ADAM28: variants seen among roughly 807,000 people sequenced by gnomAD.
The protein encoded by ADAM28 is ADAM metallopeptidase domain 28.
Under a neutral mutation model 101.2 loss-of-function variants are expected in ADAM28, and 105 were observed. The ratio of observed to expected loss-of-function variants is 1.04; its 90% CI spans 0.89 to 1.22. The LOEUF (loss-of-function observed/expected upper bound fraction) is 1.22, where lower values mean the gene tolerates loss of function less well. ADAM28 is among the 50% of genes most tolerant of loss of function. The pLI, the probability that ADAM28 is intolerant of heterozygous loss-of-function variation, is 0.00. For missense variants in ADAM28, 1,028 were observed against 945.4 expected, an observed-to-expected ratio of 1.09 and a Z score of -1.15; for synonymous variants, 322 against 310.6, an observed-to-expected ratio of 1.04 and a Z score of -0.39.
At chr8:24,308,593 A>C (rs1339855664) in intron 2 of ADAM28, 2 of 456,050 alleles carry the variant, frequency 4.4e-6, no homozygotes, top group African/African-American at 4.0e-5. Flanking sequence ...GTAAGAGGTT[A>C]TGACTATTCT....
intron 6 of ADAM28, among the ~76,000 whole-genome samples, chr8:24,318,562 A>G (rs1811467693): frequency 6.6e-6 from 1 of 151,898 alleles, no homozygotes; most frequent in African/African-American, 2.4e-5. Flanking sequence ...ATCTACTCAA[A>G]CACCTGATAT....
At position 24,356,559 on chromosome 8, in the gene ADAM28, G is replaced by A. The variant is rs1024099185; in HGVS notation, c.*2155G>A. ...AACCATTATTTTATCATAGAACTGC[G>A]AACCCAAGTCCTACAATGTTTCCCT... On this transcript the variant is annotated 3_prime_UTR_variant, in exon 23 of 23. Coordinates refer to ENST00000265769, the MANE Select transcript of ADAM28 (RefSeq NM_014265.6). The A allele has an allele frequency of 2.0e-5, 3 of 152,134 alleles. No individual in the cohort carries two copies. Among genetic ancestry groups the A allele is most frequent in the East Asian group, 1.9e-4 (1 of 5,192 alleles). The allele number at this position is 152,134 out of a possible 1,614,324, so 9.4% of individuals were successfully genotyped here.
chr8:24,312,758 A>T (rs985853501), intron 5 of ADAM28, among the ~76,000 whole-genome samples: 3 of 152,132 alleles, frequency 2.0e-5, no homozygotes, highest in Non-Finnish European at 4.4e-5. Context: ...GTCTACCCTT[A>T]GTCCAATGCC....
chr8:24,320,478 A>C (rs1015418900), intron 7 of ADAM28, among the ~76,000 whole-genome samples, 171 bp downstream of exon 7: 1 of 151,924 alleles, frequency 6.6e-6, no homozygotes, highest in Non-Finnish European at 1.5e-5. Context: ...AGCTGATATG[A>C]CTTCTTTTCA....
chr8:24,319,568 T>C (rs1811600796), intron 6 of ADAM28, among the ~76,000 whole-genome samples: 2 of 152,034 alleles, frequency 1.3e-5, no homozygotes, highest in Admixed American at 1.3e-4. Context: ...TAGTTACCTA[T>C]TAAAAGACAT....
intron 8 of ADAM28, 22 bp from the exon 9 acceptor site, chr8:24,323,812 G>T: frequency 1.1e-5 from 17 of 1,587,210 alleles, no homozygotes; most frequent in Non-Finnish European, 1.5e-5. Flanking sequence ...TAATTGCTTT[G>T]CCATTTATTT....
intron 2 of ADAM28, among the ~76,000 whole-genome samples, chr8:24,305,451 CT>C (rs10654023): frequency 0.011 from 706 of 65,466 alleles, 8 homozygotes; most frequent in Middle Eastern, 0.05. Context: ...TAAGAGGTTT[CT>C]TTTTTTTTTT....
intron 11 of ADAM28, among the ~76,000 whole-genome samples, chr8:24,330,338 C>T (rs928285074): frequency 1.3e-5 from 2 of 152,148 alleles, no homozygotes; most frequent in African/African-American, 4.8e-5. Context: ...ATTTTATCCT[C>T]ATCTTATCTA....
intron 8 of ADAM28, among the ~76,000 whole-genome samples, chr8:24,322,434 T>C (rs1166556901): frequency 1.3e-5 from 2 of 151,980 alleles, no homozygotes; most frequent in Non-Finnish European, 2.9e-5. Context: ...TCAAAGGAAA[T>C]GTTAGAATTA....
intron 11 of ADAM28, 125 bp from the exon 12 acceptor site, chr8:24,331,025 T>A (rs1813292525): frequency 2.3e-6 from 2 of 880,046 alleles, no homozygotes; most frequent in Non-Finnish European, 3.4e-6. Context: ...GATCTGGCAG[T>A]TGGTCAGTGG....
At chr8:24,295,205 C>A (rs1033390448) in intron 1 of ADAM28, among the ~76,000 whole-genome samples, 9 of 152,082 alleles carry the variant, frequency 5.9e-5, no homozygotes, top group East Asian at 5.8e-4. Flanking sequence ...CTTTAAATAT[C>A]GAATTATTTT....
chr8:24,349,976 A>G lies in ADAM28; in HGVS notation c.2099+4A>G. 1.2e-6 allele frequency: 2 copies of G among 1,612,518 alleles called. No homozygotes were observed. Among genetic ancestry groups the G allele is most frequent in the East Asian group, 2.2e-5 (1 of 44,742 alleles). ...AAAAGCAGAAGAAAGATCAGAGGTG[A>G]TCCTTTATCTTATCTTGCTGTAGGG... On this transcript the variant is annotated splice_donor_region_variant and intron_variant, in intron 19 of 22. Coordinates refer to ENST00000265769, the MANE Select transcript of ADAM28 (RefSeq NM_014265.6).
At chr8:24,353,408 G>A (rs552352209) in intron 21 of ADAM28, among the ~76,000 whole-genome samples, 6 of 133,492 alleles carry the variant, frequency 4.5e-5, no homozygotes, top group Admixed American at 3.3e-4. Context: ...GTGGGTAAAT[G>A]AGAAAGACCT....
intron 1 of ADAM28, 146 bp from the exon 2 acceptor site, chr8:24,299,828 G>A: frequency 1.7e-6 from 1 of 574,626 alleles, no homozygotes; most frequent in South Asian, 2.4e-5. Flanking sequence ...CTCTCTTCTG[G>A]TGTCAGCACA....
rs1563336899 is a variant in ADAM28 at position 24,355,221 on chromosome 8, T to TCA, written c.*817_*818insCA. ...ATTCCCAGCTTTGTCAGATGTAATC[T>TCA]AAAAGTAATCCGATGCTTTGTCAAC... On this transcript the variant is annotated 3_prime_UTR_variant, in exon 23 of 23. Transcript: ENST00000265769. The TCA allele has an allele frequency of 5.9e-5, 9 of 152,420 alleles. No homozygotes were observed. Among genetic ancestry groups the TCA allele is most frequent in the Non-Finnish European group, 1.0e-4 (7 of 68,022 alleles). The allele number at this position is 152,420 out of a possible 1,614,324, so 9.4% of individuals were successfully genotyped here.
Position 24,358,918 on chromosome 8 carries a change from C to G in ADAM28, c.*4514C>G, listed in dbSNP as rs1816844886. 6.6e-6 allele frequency: 1 copy of G among 152,068 alleles called. No homozygotes were observed. Among genetic ancestry groups the G allele is most frequent in the African/African-American group, 2.4e-5 (1 of 41,394 alleles). The allele number at this position is 152,068 out of a possible 1,614,324, so 9.4% of individuals were successfully genotyped here. ...GATGACTAAGTCGTTTATGTTGCTC[C>G]CACCTCACACAAAGTTAAAACTATT... On this transcript the variant is annotated 3_prime_UTR_variant, in exon 23 of 23. Transcript: ENST00000265769.
chr8:24,296,664 C>T (rs146375349), intron 1 of ADAM28, among the ~76,000 whole-genome samples: 5 of 152,312 alleles, frequency 3.3e-5, no homozygotes, highest in African/African-American at 9.6e-5. Context: ...ATTATCCCAT[C>T]TAAACCAAAA....
chr8:24,302,330 C>T (rs1418351875), intron 2 of ADAM28, among the ~76,000 whole-genome samples: 2 of 152,110 alleles, frequency 1.3e-5, no homozygotes, highest in African/African-American at 4.8e-5. Context: ...TTCCTTTATC[C>T]AGTCTCTCAC....
chr8:24,346,701 A>AATTAC (rs1367231715), intron 18 of ADAM28, among the ~76,000 whole-genome samples: 38 of 152,230 alleles, frequency 2.5e-4, no homozygotes, highest in African/African-American at 8.9e-4. Flanking sequence ...ATGATTACAA[A>AATTAC]ATGAACGCTC....
Sources: gnomAD v4.1 joint callset for allele counts (sites outside exome capture counted in the v4.1 genomes callset) on GRCh38, gnomAD v4.1.1 for gene constraint, MANE v1.5 for transcripts, NCBI Gene and HGNC (gene_info 2026-07-23, HGNC 2026-07-21) for gene names.